Variants in PLD1 observed in about 807,000 individuals in gnomAD.
PLD1 encodes the protein phospholipase D1.
A neutral mutation model predicts 137.1 loss-of-function variants in PLD1; 112 were observed. That is an observed-to-expected ratio of 0.82 (90% confidence interval 0.70 to 0.96). The LOEUF (loss-of-function observed/expected upper bound fraction) is 0.96. PLD1 is among the 40% of genes least tolerant of loss of function. The pLI is 0.00. For synonymous variants in PLD1, 431 were observed against 454.7 expected (o/e 0.95, Z 0.66); for missense variants, 1,321 against 1,342.0 (o/e 0.98, Z 0.24).
intron 21 of PLD1, among the ~76,000 whole-genome samples, chr3:171,654,790 T>G (rs1737053680): frequency 6.7e-6 from 1 of 149,898 alleles, no homozygotes; most frequent in South Asian, 2.1e-4. Flanking sequence ...GAGTGAAGAT[T>G]TGTTTTTTGT....
chr3:171,627,006 C>A (rs1458781307), intron 23 of PLD1, among the ~76,000 whole-genome samples: 12 of 151,978 alleles, frequency 7.9e-5, no homozygotes, highest in African/African-American at 2.9e-4. Flanking sequence ...TCACACATAA[C>A]AATATTAACT....
In PLD1 at chr3:171,612,527, G is replaced by GT; in HGVS notation, c.2729-96dup. 8.2e-7 allele frequency: 1 copy of GT among 1,218,846 alleles called. No individual in the cohort carries two copies. The highest frequency in any genetic ancestry group is 1.2e-6 in the Non-Finnish European group (1 of 841,422). The allele number at this position is 1,218,846 out of a possible 1,614,324, so 75.5% of individuals were successfully genotyped here. On this transcript the variant is annotated intron_variant, in intron 24 of 26. Transcript: ENST00000351298. The surrounding 1 kb of genome is among the most constrained non-coding windows in gnomAD (Gnocchi z 4.1). ...TCAATTCATCCTTGCAAACAAAACC[G>GT]TAATTTTGTCCAGGTTTTCAAGGGA...
rs140430417 is a variant in PLD1, at chr3:171,682,545, A to T, written c.1867+4140T>A. On this transcript the variant is annotated intron_variant, in intron 16 of 26. Coordinates refer to ENST00000351298, the MANE Select transcript of PLD1 (RefSeq NM_002662.5). ...CATATTCAGTTTTAAATTTCTAACG[A>T]AGAGTCACTCCATGCTTAATTTGGG... Among the ~76,000 whole-genome samples the T allele has an allele frequency of 7.0e-3, 1,070 of 152,352 alleles. 9 individuals carry two copies. Among genetic ancestry groups the T allele is most frequent in the Middle Eastern group, 0.014 (4 of 294 alleles).
chr3:171,731,252 G>T (rs1488818171), intron 6 of PLD1, among the ~76,000 whole-genome samples: 1 of 152,092 alleles, frequency 6.6e-6, no homozygotes, highest in African/African-American at 2.4e-5. Context: ...TTTACAGACA[G>T]TAAAGCATTT....
chr3:171,711,817 TAAAAAA>T (rs36106956), intron 9 of PLD1, among the ~76,000 whole-genome samples: 5 of 99,206 alleles, frequency 5.0e-5, no homozygotes, highest in Non-Finnish European at 1.0e-4. Context: ...TTATAAATGC[TAAAAAA>T]AAAAAAAAAA....
intron 1 of PLD1, among the ~76,000 whole-genome samples, chr3:171,791,031 G>T (rs1256026460): frequency 2.6e-5 from 4 of 152,196 alleles, no homozygotes; most frequent in Non-Finnish European, 5.9e-5. Context: ...TGTTTAAGAG[G>T]ATTAGAGGAG....
At chr3:171,788,668 AGAT>A (rs1723107806) in intron 1 of PLD1, 1 of 152,232 alleles carries the variant, frequency 6.6e-6, no homozygotes, top group African/African-American at 2.4e-5. Flanking sequence ...AGTACTGTCA[AGAT>A]GATGACGAAA....
At chr3:171,713,207 C>A (rs952851950) in intron 9 of PLD1, among the ~76,000 whole-genome samples, 1 of 152,178 alleles carries the variant, frequency 6.6e-6, no homozygotes, top group Non-Finnish European at 1.5e-5. Flanking sequence ...GGCCTGTTAT[C>A]CCAGCACTGT....
At chr3:171,722,213 G>T (rs1718180138) in intron 8 of PLD1, among the ~76,000 whole-genome samples, 1 of 152,138 alleles carries the variant, frequency 6.6e-6, no homozygotes, top group African/African-American at 2.4e-5. Flanking sequence ...GTTCCTCAAG[G>T]AGTTTTTAGT....
intron 19 of PLD1, among the ~76,000 whole-genome samples, chr3:171,667,934 T>C (rs1016430321): frequency 9.2e-5 from 14 of 152,186 alleles, no homozygotes; most frequent in Non-Finnish European, 1.5e-5. Context: ...ATATTTTTAG[T>C]GGAGACAGGG....
intron 1 of PLD1, among the ~76,000 whole-genome samples, chr3:171,785,565 A>G (rs1722981715): frequency 6.6e-6 from 1 of 151,802 alleles, no homozygotes; most frequent in Non-Finnish European, 1.5e-5. Context: ...CAGCCTCCCG[A>G]GTAGCTCGCA....
At chr3:171,752,541 C>G (rs1720738406) in intron 1 of PLD1, among the ~76,000 whole-genome samples, 1 of 152,194 alleles carries the variant, frequency 6.6e-6, no homozygotes, top group Non-Finnish European at 1.5e-5. Context: ...CCATGGCAAA[C>G]ATTAATCTGT....
In PLD1 at chr3:171,688,889, T is replaced by A. The variant is rs767190274; in HGVS notation, c.1339-13A>T. The A allele has an allele frequency of 1.9e-6, 3 of 1,592,518 alleles. No individual in the cohort carries two copies. The highest frequency in any genetic ancestry group is 4.5e-5 in the East Asian group (2 of 44,766). On this transcript the variant is annotated splice_polypyrimidine_tract_variant and intron_variant, in intron 13 of 26. Coordinates refer to ENST00000351298, the MANE Select transcript of PLD1 (RefSeq NM_002662.5). ...GGTGTCTCATCACCTTGAGAGGGAA[T>A]AATCCCCACTGATAATATGCTTTTG...
intron 11 of PLD1, among the ~76,000 whole-genome samples, chr3:171,704,405 A>C (rs1182030413): frequency 1.3e-5 from 2 of 151,966 alleles, no homozygotes; most frequent in African/African-American, 4.8e-5. Context: ...CTTATAACAT[A>C]ATAATAAAAT....
Position 171,601,459 on chromosome 3 carries a change from C to T in PLD1, c.*1619G>A, listed in dbSNP as rs1051968682. The T allele has an allele frequency of 6.6e-6, 1 of 151,124 alleles. No individual in the cohort carries two copies. Among genetic ancestry groups the T allele is most frequent in the African/African-American group, 2.5e-5 (1 of 40,590 alleles). The allele number at this position is 151,124 out of a possible 1,614,324, so 9.4% of individuals were successfully genotyped here. On this transcript the variant is annotated 3_prime_UTR_variant, in exon 27 of 27. Transcript: ENST00000351298. ...TGGCTATAGAATGAAGTCATTTTAC[C>T]ATCTTTAGCCATATGAAAAATAAGT...
At chr3:171,617,438 C>G (rs1578111618) in intron 24 of PLD1, among the ~76,000 whole-genome samples, 1 of 152,338 alleles carries the variant, frequency 6.6e-6, no homozygotes, top group East Asian at 1.9e-4. Flanking sequence ...GAAGGAGTAG[C>G]TGCCTCTCCT....
chr3:171,631,376 G>A (rs1734644794), intron 23 of PLD1, among the ~76,000 whole-genome samples: 1 of 152,140 alleles, frequency 6.6e-6, no homozygotes, highest in African/African-American at 2.4e-5. Context: ...AACATAAAAA[G>A]AGGGATAGCT....
At chr3:171,609,703 C>T (rs2108264368) in intron 25 of PLD1, among the ~76,000 whole-genome samples, 1 of 152,164 alleles carries the variant, frequency 6.6e-6, no homozygotes, top group East Asian at 1.9e-4. Flanking sequence ...ACAGTACATA[C>T]ACATGGATGT....
chr3:171,742,941 C>CT (rs953512054), intron 1 of PLD1, among the ~76,000 whole-genome samples: 18 of 151,238 alleles, frequency 1.2e-4, no homozygotes, highest in East Asian at 1.9e-4. Flanking sequence ...GGATCTTTGA[C>CT]TTTTTTTTTA....
Sources: gnomAD v4.1 joint callset for allele counts (sites outside exome capture counted in the v4.1 genomes callset) on GRCh38, gnomAD v4.1.1 for gene constraint, Gnocchi (gnomAD v3.1) non-coding constraint, MANE v1.5 for transcripts, NCBI Gene and HGNC (gene_info 2026-07-23, HGNC 2026-07-21) for gene names.